The following STS variants were observed in gnomAD, a reference collection of about 807,000 sequenced individuals.
The protein encoded by STS is steryl-sulfatase.
A neutral mutation model predicts 26.8 loss-of-function variants in STS; 7 were observed. The ratio of observed to expected loss-of-function variants is 0.26; its 90% CI spans 0.15 to 0.49. STS has a LOEUF of 0.49. Ranked by LOEUF, STS falls within the 20% of genes least tolerant of loss-of-function variation. The pLI, the probability that STS is intolerant of heterozygous loss-of-function variation, is 0.98. For missense variants in STS, 434 were observed against 465.6 expected, an observed-to-expected ratio of 0.93 and a Z score of 0.63; for synonymous variants, 199 against 189.4, an observed-to-expected ratio of 1.05 and a Z score of -0.42.
At chrX:7,275,801 A>T in intron 6 of STS, 150 bp from the exon 7 acceptor site, 1 of 650,682 alleles carries the variant, frequency 1.5e-6, no homozygotes, top group Non-Finnish European at 2.3e-6. Flanking sequence ...CTGACAGAAG[A>T]TACCATATTA....
intron 2 of STS, among the ~76,000 whole-genome samples, chrX:7,201,543 C>T (rs1438264170): frequency 9.1e-6 from 1 of 110,253 alleles, no homozygotes; most frequent in African/African-American, 3.3e-5. Flanking sequence ...GGCCCTCCAC[C>T]TAGTGAATGA....
chrX:7,162,050 C>T (rs1198587193), intron 1 of STS, among the ~76,000 whole-genome samples: 1 of 112,128 alleles, frequency 8.9e-6, no homozygotes, highest in Non-Finnish European at 1.9e-5. Context: ...TTGAGCATCC[C>T]TTAAAAGCTT....
At chrX:7,164,704 A>T (rs190748906) in intron 1 of STS, among the ~76,000 whole-genome samples, 441 of 105,203 alleles carry the variant, frequency 4.2e-3, no homozygotes, top group Middle Eastern at 9.4e-3. Context: ...AAATTCCATT[A>T]AAAAAAAAAG....
chrX:7,270,774 A>T (rs757457377), intron 6 of STS, among the ~76,000 whole-genome samples: 16 of 111,988 alleles, frequency 1.4e-4, no homozygotes, highest in Non-Finnish European at 2.6e-4. Context: ...GCATTCCAAG[A>T]CAAAGGTCAT....
Position 7,212,168 on chromosome X carries a change from T to G in STS, c.-5+21160T>G, listed in dbSNP as rs1354718709. 7.2e-5 allele frequency among the ~76,000 whole-genome samples: 8 copies of G among 111,827 alleles called. No homozygotes were observed. The Admixed American group carries it at 7.7e-4, about 11-fold the overall frequency. On this transcript the variant is annotated intron_variant, in intron 2 of 10. Transcript: ENST00000674429. ...AGAAGGGGATGTGGTTATTAATGATTACTTATGAAAGAATTCTGGGCCAAG... is the reference window on the plus strand; with the variant it reads ...AGAAGGGGATGTGGTTATTAATGATGACTTATGAAAGAATTCTGGGCCAAG...
At chrX:7,271,533 C>T (rs1924268218) in intron 6 of STS, among the ~76,000 whole-genome samples, 1 of 110,883 alleles carries the variant, frequency 9.0e-6, no homozygotes, top group Non-Finnish European at 1.9e-5. Context: ...AAACACATGG[C>T]TTGGTAGAGA....
At chrX:7,210,467 ATGTT>A (rs1336104131) in intron 2 of STS, among the ~76,000 whole-genome samples, 1 of 107,758 alleles carries the variant, frequency 9.3e-6, no homozygotes, top group Non-Finnish European at 1.9e-5. Context: ...TACAATATAA[ATGTT>A]TTATTTTAAA....
intron 2 of STS, among the ~76,000 whole-genome samples, chrX:7,245,478 C>T (rs1922822586): frequency 8.9e-6 from 1 of 112,221 alleles, no homozygotes; most frequent in African/African-American, 3.2e-5. Context: ...ATGGTGTCTA[C>T]AGTCTAATTA....
intron 7 of STS, among the ~76,000 whole-genome samples, chrX:7,298,274 A>G (rs945786832): frequency 5.4e-5 from 6 of 111,145 alleles, no homozygotes; most frequent in African/African-American, 1.3e-4. Flanking sequence ...GTCCTATACT[A>G]TTTTTCTTTT....
chrX:7,352,472 G>A lies in STS; in HGVS notation c.*2211G>A, dbSNP rs185771453. ...CATTTGGAAATCAGGTCGATTTGTG[G>A]TAACTGTAGTCATCTTAAATTTCAA... On this transcript the variant is annotated 3_prime_UTR_variant, in exon 11 of 11. Coordinates refer to ENST00000674429, the MANE Select transcript of STS (RefSeq NM_001320752.2). 3.0e-4 allele frequency: 34 copies of A among 112,306 alleles called. No homozygotes were observed. Among genetic ancestry groups the A allele is most frequent in the East Asian group, 2.5e-3 (9 of 3,572 alleles). The allele number at this position is 112,306 out of a possible 1,213,427, so 9.3% of individuals were successfully genotyped here.
chrX:7,299,446 CAT>C (rs1925856569), intron 7 of STS, among the ~76,000 whole-genome samples: 2 of 101,993 alleles, frequency 2.0e-5, no homozygotes, highest in African/African-American at 3.5e-5. Flanking sequence ...AATATATACA[CAT>C]ATATAATATA....
chrX:7,210,575 G>A (rs1380157823), intron 2 of STS, among the ~76,000 whole-genome samples: 1 of 105,138 alleles, frequency 9.5e-6, no homozygotes, highest in African/African-American at 3.4e-5. Flanking sequence ...ATAAATTGAT[G>A]TATTTATATT....
At chrX:7,179,366 A>T (rs1255446860) in intron 1 of STS, among the ~76,000 whole-genome samples, 1 of 107,833 alleles carries the variant, frequency 9.3e-6, no homozygotes, top group African/African-American at 3.4e-5. Flanking sequence ...AGTCCTTCTC[A>T]TGAAAGTGAT....
In STS at chrX:7,253,325, C is replaced by A; in HGVS notation, c.126C>A (p.Asn42Lys). 1 of 1,211,410 alleles carries A rather than the reference C, an allele frequency of 8.3e-7. No individual in the cohort carries two copies. Among genetic ancestry groups the A allele is most frequent in the Non-Finnish European group, 1.1e-6 (1 of 895,397 alleles). Residue 42 changes from asparagine to lysine, a missense_variant, in exon 3 of 11, where the codon AAC becomes AAA. By Grantham distance (94) the Asn-to-Lys change is moderately conservative. Coordinates refer to ENST00000674429, the MANE Select transcript of STS (RefSeq NM_001320752.2). The stretch of plus-strand genomic sequence containing the variant: ...TTGGAGATCCTGGGTGCTATGGGAA[C>A]AAAACTATCAGGTTGGTAATGCAGC... Reference protein sequence around the residue: ...LGIGDPGCYGNKTIRTPNIDR... With the variant: ...LGIGDPGCYGKKTIRTPNIDR...
At chrX:7,213,210 A>G (rs1220450065) in intron 2 of STS, among the ~76,000 whole-genome samples, 2 of 111,655 alleles carry the variant, frequency 1.8e-5, no homozygotes, top group Admixed American at 9.6e-5. Flanking sequence ...AGGATGACAT[A>G]TATTCTACCC....
chrX:7,298,110 A>G (rs1925753958), intron 7 of STS, among the ~76,000 whole-genome samples: 1 of 111,577 alleles, frequency 9.0e-6, no homozygotes, highest in Non-Finnish European at 1.9e-5. Context: ...TTGAAAAAAA[A>G]GGGAAAAGCC....
At chrX:7,246,262 CT>C (rs373058144) in intron 2 of STS, among the ~76,000 whole-genome samples, 3,559 of 95,615 alleles carry the variant, frequency 0.037, 139 homozygotes, top group African/African-American at 0.12. Context: ...TTGGGAGAGA[CT>C]TTTTTTTTTT....
intron 10 of STS, among the ~76,000 whole-genome samples, chrX:7,348,127 CT>C (rs1298487745): frequency 9.0e-5 from 10 of 111,389 alleles, no homozygotes; most frequent in African/African-American, 3.3e-4. Context: ...TATGAATCTT[CT>C]TTAATATATT....
intron 8 of STS, among the ~76,000 whole-genome samples, chrX:7,323,708 A>G (rs1408650471): frequency 8.9e-6 from 1 of 111,926 alleles, no homozygotes; most frequent in Non-Finnish European, 1.9e-5. Context: ...TTTTGGTAGA[A>G]TAATTTATTT....
Sources: allele counts gnomAD v4.1 joint callset (sites outside exome capture counted in the v4.1 genomes callset), GRCh38; gene constraint gnomAD v4.1.1; transcripts MANE v1.5; gene names NCBI Gene and HGNC (gene_info 2026-07-23, HGNC 2026-07-21).